NXPH1: variants seen among roughly 807,000 people sequenced by gnomAD.
NXPH1 encodes neurexophilin-1.
A neutral mutation model predicts 23.7 loss-of-function variants in NXPH1; 5 were observed. The observed-to-expected ratio is 0.21, with a 90% confidence interval of 0.11 to 0.44. The LOEUF (loss-of-function observed/expected upper bound fraction) is 0.44, where lower values mean the gene tolerates loss of function less well. Ranked by LOEUF, NXPH1 falls within the 20% of genes least tolerant of loss-of-function variation. The pLI is 0.99. For synonymous variants in NXPH1, 144 were observed against 122.2 expected (o/e 1.18, Z -1.18); for missense variants, 324 against 321.6 (o/e 1.01, Z -0.06).
intron 2 of NXPH1, among the ~76,000 whole-genome samples, chr7:8,668,992 T>C (rs2115168214): frequency 6.6e-6 from 1 of 151,590 alleles, no homozygotes; most frequent in Non-Finnish European, 1.5e-5. Flanking sequence ...GCCTGGAGCA[T>C]GGGTGTGTGA....
intron 2 of NXPH1, among the ~76,000 whole-genome samples, chr7:8,749,417 C>T (rs149791439): frequency 1.3e-5 from 2 of 152,256 alleles, no homozygotes; most frequent in East Asian, 3.9e-4. Flanking sequence ...TCTTGCTCTC[C>T]AGGGATTGAG....
At chr7:8,675,041 A>G (rs748791277) in intron 2 of NXPH1, among the ~76,000 whole-genome samples, 2 of 152,156 alleles carry the variant, frequency 1.3e-5, no homozygotes, top group Non-Finnish European at 2.9e-5. Flanking sequence ...CTGGGTATGG[A>G]TGAGTAAACC....
At chr7:8,563,230 A>G (rs1818478473) in intron 2 of NXPH1, among the ~76,000 whole-genome samples, 1 of 151,746 alleles carries the variant, frequency 6.6e-6, no homozygotes, top group African/African-American at 2.4e-5. Context: ...TCTGATTTCT[A>G]GTGTACAGCA....
chr7:8,456,283 C>T (rs1816592627), intron 2 of NXPH1, among the ~76,000 whole-genome samples: 2 of 152,158 alleles, frequency 1.3e-5, no homozygotes, highest in African/African-American at 2.4e-5. Context: ...TCTGGTTTGT[C>T]TTGGTAGTAG....
intron 2 of NXPH1, among the ~76,000 whole-genome samples, chr7:8,505,109 T>C (rs1489406913): frequency 1.3e-5 from 2 of 152,060 alleles, no homozygotes; most frequent in Non-Finnish European, 1.5e-5. Context: ...TTGTCATTTT[T>C]TGGTTAAATG....
intron 2 of NXPH1, among the ~76,000 whole-genome samples, chr7:8,734,881 C>G (rs1780222041): frequency 1.3e-5 from 2 of 152,014 alleles, no homozygotes; most frequent in South Asian, 2.1e-4. Context: ...AGTTGTATTC[C>G]TAGGTATTTT....
At chr7:8,663,147 G>A (rs117406473) in intron 2 of NXPH1, among the ~76,000 whole-genome samples, 3 of 152,008 alleles carry the variant, frequency 2.0e-5, no homozygotes, top group Non-Finnish European at 4.4e-5. Flanking sequence ...TGAGATATTG[G>A]AGTCATTTAG....
intron 2 of NXPH1, among the ~76,000 whole-genome samples, chr7:8,614,148 G>A (rs1229706210): frequency 6.6e-6 from 1 of 151,822 alleles, no homozygotes; most frequent in Non-Finnish European, 1.5e-5. Context: ...TTCCGTGGAT[G>A]TGCCATAATT....
chr7:8,436,814 T>C (rs1003201675), intron 2 of NXPH1, among the ~76,000 whole-genome samples: 7 of 152,160 alleles, frequency 4.6e-5, no homozygotes, highest in African/African-American at 1.7e-4. Context: ...TTGGAGGTGA[T>C]ACTGGCGCTC....
At position 8,435,426 on chromosome 7, in the gene NXPH1, G is replaced by A. The variant is rs1816174167; in HGVS notation, c.-110-178G>A. On this transcript the variant is annotated intron_variant, in intron 1 of 2. Transcript: ENST00000405863. This position sits in a 1 kb window ranked among gnomAD's most constrained non-coding sequence, Gnocchi z 5.9. ...CGTCCGCCCGCCCGCCTCCCCAGCT[G>A]CGGACCGCGCGCTTGCTGGTCTCAG... is the stretch of plus-strand genomic sequence containing the variant. The A allele has an allele frequency of 2.0e-6, 1 of 505,248 alleles. No individual in the cohort carries two copies. Among genetic ancestry groups the A allele is most frequent in the Non-Finnish European group, 3.6e-6 (1 of 281,040 alleles). The allele number at this position is 505,248 out of a possible 1,614,324, so 31.3% of individuals were successfully genotyped here. A position where few individuals can be genotyped will look rare whatever the true frequency, so the allele number is the denominator to read the frequency against.
At position 8,472,320 on chromosome 7, in the gene NXPH1, T is replaced by A. The variant is rs79965236; in HGVS notation, c.54+36553T>A. On this transcript the variant is annotated intron_variant, in intron 2 of 2. Coordinates refer to ENST00000405863, the MANE Select transcript of NXPH1 (RefSeq NM_152745.3). ...ATGATCTCTAAGGCCCTTCTAAAAT[T>A]CTGTGATTTCATGAGTGAACACATT... 8.4e-3 allele frequency among the ~76,000 whole-genome samples: 1,276 copies of A among 152,286 alleles called. 15 individuals are homozygous for A. Among genetic ancestry groups the A allele is most frequent in the African/African-American group, 0.029 (1,202 of 41,562 alleles).
chr7:8,645,692 T>C (rs1176478506), intron 2 of NXPH1, among the ~76,000 whole-genome samples: 1 of 152,044 alleles, frequency 6.6e-6, no homozygotes, highest in Admixed American at 6.6e-5. Flanking sequence ...GGTCTTAAAG[T>C]TATTGTAAAC....
chr7:8,581,309 A>G (rs1211692165), intron 2 of NXPH1, among the ~76,000 whole-genome samples: 1 of 152,214 alleles, frequency 6.6e-6, no homozygotes, highest in East Asian at 1.9e-4. Flanking sequence ...TATAAAGAAA[A>G]GATGTTGAAT....
rs1374648131 is a variant in NXPH1, at chr7:8,539,772, G to T, written c.54+104005G>T. On this transcript the variant is annotated intron_variant, in intron 2 of 2. Transcript: ENST00000405863. ...AAGGTTATAATTTTTAAAATAAATA[G>T]ATACCATAATAATGCATGATAATGC... Among the ~76,000 whole-genome samples the T allele has an allele frequency of 2.0e-5, 3 of 151,744 alleles. No individual in the cohort carries two copies. The South Asian group carries it at 6.2e-4, about 32-fold the overall frequency.
intron 2 of NXPH1, among the ~76,000 whole-genome samples, chr7:8,717,817 G>A (rs1362920573): frequency 6.6e-6 from 1 of 151,170 alleles, no homozygotes; most frequent in Admixed American, 6.6e-5. Context: ...TGAGAATAAA[G>A]GATTCTAGGT....
intron 2 of NXPH1, among the ~76,000 whole-genome samples, chr7:8,516,401 A>G (rs960621055): frequency 3.9e-5 from 6 of 152,166 alleles, no homozygotes; most frequent in Non-Finnish European, 8.8e-5. Flanking sequence ...TTCGTTGTCT[A>G]CTGTGAAGTA....
At chr7:8,674,330 T>G (rs540234552) in intron 2 of NXPH1, among the ~76,000 whole-genome samples, 14 of 152,190 alleles carry the variant, frequency 9.2e-5, no homozygotes, top group African/African-American at 2.9e-4. Context: ...ACTGAGTAAA[T>G]GGGATACTTC....
chr7:8,482,230 A>T (rs1479869985), intron 2 of NXPH1, among the ~76,000 whole-genome samples: 2 of 152,164 alleles, frequency 1.3e-5, no homozygotes, highest in Non-Finnish European at 2.9e-5. Context: ...GGCTTTCCCA[A>T]ATGAGTGTGT....
intron 2 of NXPH1, among the ~76,000 whole-genome samples, chr7:8,638,505 C>A (rs1820254594): frequency 6.6e-6 from 1 of 152,060 alleles, no homozygotes; most frequent in South Asian, 2.1e-4. Context: ...AGTTGTAATC[C>A]ACAGTAGAAA....
Sources: gnomAD v4.1 joint callset for allele counts (sites outside exome capture counted in the v4.1 genomes callset) on GRCh38, gnomAD v4.1.1 for gene constraint, Gnocchi (gnomAD v3.1) non-coding constraint, MANE v1.5 for transcripts, NCBI Gene and HGNC (gene_info 2026-07-23, HGNC 2026-07-21) for gene names.